The following PDE4D variants were observed in gnomAD, a reference collection of about 807,000 sequenced individuals.
PDE4D encodes the protein 3',5'-cyclic-AMP phosphodiesterase 4D.
Under a neutral mutation model 87.4 loss-of-function variants are expected in PDE4D, and 24 were observed. That is an observed-to-expected ratio of 0.27 (90% CI 0.20 to 0.39). The LOEUF (loss-of-function observed/expected upper bound fraction) is 0.39. Ranked by LOEUF, PDE4D falls within the 10% of genes least tolerant of loss-of-function variation. The pLI is 1.00. For missense variants in PDE4D, 714 were observed against 1,041.0 expected (o/e 0.69, Z 4.32); for synonymous variants, 384 against 383.2 (o/e 1.00, Z -0.02).
Position 59,401,443 on chromosome 5 carries a change from A to ACTATCTATCTAT in PDE4D, c.456-185487_456-185476dup, listed in dbSNP as rs10705466. Among the ~76,000 whole-genome samples the ACTATCTATCTAT allele has an allele frequency of 6.1e-3, 778 of 127,552 alleles. 2 individuals carry two copies. The highest frequency in any genetic ancestry group is 0.012 in the Middle Eastern group (3 of 250). 83.7% of individuals were successfully genotyped at this position (127,552 alleles called of 152,430 possible). On this transcript the variant is annotated intron_variant, in intron 1 of 14. Coordinates refer to ENST00000340635, the MANE Select transcript of PDE4D (RefSeq NM_001104631.2). ...TCTGTTTCTAATACATATATTAGAG[A>ACTATCTATCTAT]CTATCTATCTATCTATCTATCTATC...
Position 58,974,297 on chromosome 5 carries a change from T to C in PDE4D, c.*367A>G, listed in dbSNP as rs1743181302. The C allele has an allele frequency of 6.2e-6, 1 of 160,934 alleles. No homozygotes were observed. The highest frequency in any genetic ancestry group is 1.3e-5 in the Non-Finnish European group (1 of 74,836). 10.0% of individuals were successfully genotyped at this position (160,934 alleles called of 1,614,324 possible). On this transcript the variant is annotated 3_prime_UTR_variant, in exon 15 of 15. Coordinates refer to ENST00000340635, the MANE Select transcript of PDE4D (RefSeq NM_001104631.2). ...TTCACTCTGTGCAATGCCTTTCTTCTGAAAATATTGCAAACAAATAAAAAG... is the reference window on the plus strand; with the variant it reads ...TTCACTCTGTGCAATGCCTTTCTTCCGAAAATATTGCAAACAAATAAAAAG...
chr5:59,944,390 T>C (rs1757508225), intron 3 of PDE4D, among the ~76,000 whole-genome samples: 2 of 152,056 alleles, frequency 1.3e-5, no homozygotes, highest in Admixed American at 1.3e-4. Flanking sequence ...TTTGTTGTTT[T>C]GAGACGGAGT....
At chr5:59,570,963 G>GA (rs996961679) in intron 1 of PDE4D, among the ~76,000 whole-genome samples, 2 of 152,020 alleles carry the variant, frequency 1.3e-5, no homozygotes, top group South Asian at 2.1e-4. Flanking sequence ...ACTTAGAAGA[G>GA]AAAAAAATGC....
intron 1 of PDE4D, among the ~76,000 whole-genome samples, chr5:59,656,131 T>A (rs1376844317): frequency 6.6e-6 from 1 of 151,868 alleles, no homozygotes; most frequent in Non-Finnish European, 1.5e-5. Context: ...TCATACACAA[T>A]CACCTCACAG....
intron 1 of PDE4D, among the ~76,000 whole-genome samples, chr5:60,244,439 G>GA (rs924575950): frequency 9.9e-5 from 15 of 151,540 alleles, no homozygotes; most frequent in African/African-American, 2.9e-4. Context: ...TACAGAAATA[G>GA]AAAAAAAATC....
chr5:59,748,455 G>A (rs957871164), intron 1 of PDE4D, among the ~76,000 whole-genome samples: 64 of 152,154 alleles, frequency 4.2e-4, no homozygotes, highest in Non-Finnish European at 8.1e-4. Context: ...TATACACCAT[G>A]AAATACTATG....
intron 1 of PDE4D, among the ~76,000 whole-genome samples, chr5:59,691,415 T>C (rs1324835590): frequency 6.6e-6 from 1 of 152,084 alleles, no homozygotes. Context: ...TTCATGTCCT[T>C]TGTAGGGACA....
chr5:60,185,542 A>G (rs1230020279), intron 2 of PDE4D: 1 of 1,513,112 alleles, frequency 6.6e-7, no homozygotes, highest in Admixed American at 2.0e-5. Flanking sequence ...ATAGATGAAA[A>G]CAAAAGTTAC....
chr5:59,725,614 T>C (rs1431088167), intron 1 of PDE4D, among the ~76,000 whole-genome samples: 1 of 152,138 alleles, frequency 6.6e-6, no homozygotes, highest in African/African-American at 2.4e-5. Context: ...AAAGTTGATT[T>C]ATAGCCCTGG....
chr5:60,509,999 A>C (rs1750500072), intron 1 of PDE4D, among the ~76,000 whole-genome samples: 1 of 152,162 alleles, frequency 6.6e-6, no homozygotes, highest in African/African-American at 2.4e-5. Flanking sequence ...GAAGAGAAAC[A>C]TCACAGCTAG....
At chr5:60,400,020 G>C (rs981094535) in intron 1 of PDE4D, among the ~76,000 whole-genome samples, 3 of 152,186 alleles carry the variant, frequency 2.0e-5, no homozygotes, top group Admixed American at 2.0e-4. Context: ...AGGGCATCAG[G>C]CCATATCAGG....
At chr5:59,394,119 C>A (rs1349095504) in intron 1 of PDE4D, among the ~76,000 whole-genome samples, 3 of 136,342 alleles carry the variant, frequency 2.2e-5, no homozygotes, top group Non-Finnish European at 4.7e-5. Flanking sequence ...TATACTGTGT[C>A]GTTTGAGCAG....
intron 1 of PDE4D, among the ~76,000 whole-genome samples, chr5:60,450,479 G>A (rs559523596): frequency 1.4e-4 from 21 of 152,190 alleles, no homozygotes; most frequent in Admixed American, 7.2e-4. Flanking sequence ...CTTGGAGAAG[G>A]GAGGGACAAA....
At chr5:60,059,241 C>T (rs1352507460) in intron 2 of PDE4D, among the ~76,000 whole-genome samples, 2 of 151,918 alleles carry the variant, frequency 1.3e-5, no homozygotes, top group African/African-American at 4.8e-5. Flanking sequence ...GTGATCTTTC[C>T]ACTTCCCAGT....
At chr5:60,492,976 A>T (rs576646685), upstream of PDE4D, among the ~76,000 whole-genome samples, 1 of 152,346 alleles carries the variant, frequency 6.6e-6, no homozygotes, top group East Asian at 1.9e-4. Flanking sequence ...TGTGTCTACT[A>T]ACATCACATA....
At chr5:59,220,387 AAAAAAAAAAAAAAAAG>A (rs1180752346) in intron 1 of PDE4D, among the ~76,000 whole-genome samples, 1 of 116,552 alleles carries the variant, frequency 8.6e-6, no homozygotes, top group East Asian at 2.1e-4. Flanking sequence ...CAAAAAAAAA[AAAAAAAAAAAAAAAAG>A]AAAGACAAAA....
intron 2 of PDE4D, among the ~76,000 whole-genome samples, chr5:60,142,137 A>G (rs549815101): frequency 2.0e-5 from 3 of 147,256 alleles, no homozygotes; most frequent in Non-Finnish European, 4.5e-5. Flanking sequence ...TACCAATCAC[A>G]GGATCCTGCC....
At chr5:60,507,002 T>C (rs1411189690) in intron 1 of PDE4D, among the ~76,000 whole-genome samples, 2 of 152,214 alleles carry the variant, frequency 1.3e-5, no homozygotes, top group Non-Finnish European at 2.9e-5. Flanking sequence ...TGTTCACACA[T>C]AAACAAATTG....
chr5:60,145,715 G>A (rs1780932400), intron 2 of PDE4D, among the ~76,000 whole-genome samples: 3 of 152,170 alleles, frequency 2.0e-5, no homozygotes, highest in Admixed American at 2.0e-4. Context: ...TGAGGGAATG[G>A]TCTTTACATT....
Sources: gnomAD v4.1 joint callset for allele counts (sites outside exome capture counted in the v4.1 genomes callset) on GRCh38, gnomAD v4.1.1 for gene constraint, MANE v1.5 for transcripts, NCBI Gene and HGNC (gene_info 2026-07-23, HGNC 2026-07-21) for gene names.